Variants in KIF15 observed in about 807,000 individuals in gnomAD.
KIF15 encodes kinesin family member 15.
KIF15 carries 140 observed loss-of-function variants against 190.6 expected under a neutral mutation model. The observed-to-expected ratio is 0.73, with a 90% CI of 0.64 to 0.84. The LOEUF (loss-of-function observed/expected upper bound fraction) is 0.84, where lower values mean the gene tolerates loss of function less well. KIF15 is among the 40% of genes least tolerant of loss of function. KIF15 has a pLI of 0.00. For missense variants in KIF15, 1,372 were observed against 1,584.4 expected, an observed-to-expected ratio of 0.87 and a Z score of 2.28; for synonymous variants, 528 against 551.3, an observed-to-expected ratio of 0.96 and a Z score of 0.59.
chr3:44,816,627 T>C (rs1010527008), intron 20 of KIF15, among the ~76,000 whole-genome samples: 6 of 152,204 alleles, frequency 3.9e-5, no homozygotes. Context: ...ATTTTCTTAA[T>C]CTAGTCTATC....
At chr3:44,827,410 T>C in intron 22 of KIF15, 49 bp from the exon 23 acceptor site, 1 of 1,310,684 alleles carries the variant, frequency 7.6e-7, no homozygotes, top group Non-Finnish European at 1.1e-6. Flanking sequence ...ATTCAGTTCC[T>C]GTTTTCATTG....
At chr3:44,778,994 A>AG (rs1300190403) in intron 4 of KIF15, among the ~76,000 whole-genome samples, 5 of 151,554 alleles carry the variant, frequency 3.3e-5, no homozygotes, top group African/African-American at 1.2e-4. Context: ...AAAAAAAAAA[A>AG]AAAAAAACCA....
downstream of KIF15, among the ~76,000 whole-genome samples, chr3:44,857,554 A>G (rs1699201350): frequency 6.6e-6 from 1 of 152,242 alleles, no homozygotes; most frequent in East Asian, 1.9e-4. Flanking sequence ...GAGCTAGTGC[A>G]GGAGCAGTCT....
chr3:44,766,807 C>CTTTTTTTTTTT (rs766382105), intron 1 of KIF15, among the ~76,000 whole-genome samples: 4 of 118,544 alleles, frequency 3.4e-5, no homozygotes, highest in African/African-American at 6.2e-5. Flanking sequence ...TTCTTTCTTT[C>CTTTTTTTTTTT]TTTTTTTTTT....
chr3:44,861,975 C>A, intron 6 of KIF15: 1 of 1,388,172 alleles, frequency 7.2e-7, no homozygotes, highest in Non-Finnish European at 9.3e-7. Flanking sequence ...CGACCGCGTA[C>A]CCTGACACCC....
intron 6 of KIF15, chr3:44,863,606 C>T (rs1699288124): frequency 6.6e-6 from 1 of 152,648 alleles, no homozygotes; most frequent in African/African-American, 2.4e-5. Flanking sequence ...ACTTAATGCC[C>T]CTGGCTCTTT....
intron 1 of KIF15, among the ~76,000 whole-genome samples, chr3:44,773,308 C>G (rs992705563): frequency 3.9e-5 from 6 of 152,172 alleles, no homozygotes; most frequent in Non-Finnish European, 8.8e-5. Context: ...CTGTTTCTTC[C>G]CTGGGGCTTG....
chr3:44,828,279 A>G lies in KIF15; in HGVS notation c.2922A>G (p.Glu974=). Residue 974 remains glutamate, a synonymous_variant, in exon 24 of 35, where the codon GAA becomes GAG. Transcript: ENST00000326047. ...LATEKVISSL[E]KSRDSDKKVV... ...CTGAAAAAGTGATCAGTTCCCTGGA[A>G]AAGTCTAGAGATTCTGATAAGGTTG... The G allele has an allele frequency of 6.2e-7, 1 of 1,612,502 alleles. No homozygotes were observed. The highest frequency in any genetic ancestry group is 1.3e-5 in the African/African-American group (1 of 75,024).
intron 13 of KIF15, among the ~76,000 whole-genome samples, chr3:44,802,244 T>C (rs1707311533): frequency 6.6e-6 from 1 of 152,256 alleles, no homozygotes; most frequent in Non-Finnish European, 1.5e-5. Flanking sequence ...TGTGGTTATC[T>C]GAGTCAGTAG....
At chr3:44,831,684 T>C (rs1698080471) in intron 26 of KIF15, among the ~76,000 whole-genome samples, 1 of 152,232 alleles carries the variant, frequency 6.6e-6, no homozygotes, top group Non-Finnish European at 1.5e-5. Context: ...TTGTTGTTGA[T>C]GATGTGAACT....
intron 16 of KIF15, among the ~76,000 whole-genome samples, chr3:44,808,357 G>A (rs1308572551): frequency 6.6e-6 from 1 of 152,130 alleles, no homozygotes; most frequent in African/African-American, 2.4e-5. Flanking sequence ...CTTTGTTGTT[G>A]TTTTAGTTGG....
intron 20 of KIF15, among the ~76,000 whole-genome samples, chr3:44,815,305 A>G (rs1233644616): frequency 6.6e-6 from 1 of 152,198 alleles, no homozygotes; most frequent in Non-Finnish European, 1.5e-5. Flanking sequence ...GCTCAGTTCT[A>G]TGTGTTGCTC....
At chr3:44,781,222 A>C (rs1026522266) in intron 5 of KIF15, among the ~76,000 whole-genome samples, 5 of 152,210 alleles carry the variant, frequency 3.3e-5, no homozygotes, top group Non-Finnish European at 5.9e-5. Flanking sequence ...AACCAGATCA[A>C]GATTCCTGGT....
intron 30 of KIF15, among the ~76,000 whole-genome samples, chr3:44,846,441 G>A (rs749713753): frequency 4.6e-5 from 7 of 151,780 alleles, no homozygotes; most frequent in African/African-American, 2.4e-5. Context: ...ATTGCCAAAT[G>A]TCATAGTCTG....
rs746962126 is a variant in KIF15 at position 44,801,858 on chromosome 3, G to T, written c.1393G>T (p.Asp465Tyr). ...SNKMIVKFRE[D>Y]QIIRLEKLHK... ...TAAAATGATTGTGAAATTCCGAGAG[G>T]ATCAAATAATACGCTTGGAAAAGCT... The change falls in exon 13 of 35, where the codon GAT (aspartate) becomes TAT (tyrosine). Residue 465 changes from aspartate to tyrosine, a missense_variant. Coordinates refer to ENST00000326047, the MANE Select transcript of KIF15 (RefSeq NM_020242.3). 1.9e-6 allele frequency: 3 copies of T among 1,612,336 alleles called. No homozygotes were observed. The highest frequency in any genetic ancestry group is 1.7e-5 in the Admixed American group (1 of 59,984).
rs1226525819 is a variant in KIF15 at position 44,791,956 on chromosome 3, T to A, written c.640-2261T>A. Among the ~76,000 whole-genome samples, 3 of 151,742 alleles carry A rather than the reference T, an allele frequency of 2.0e-5. No homozygotes were observed. In the East Asian group the frequency reaches 5.9e-4, roughly 30 times the overall value. ...CTGGTCTTGAACTCCTGACCTCAGG[T>A]AATCCACCTGCCTTGGCCTCCCAAA... On this transcript the variant is annotated intron_variant, in intron 7 of 34. Coordinates refer to ENST00000326047, the MANE Select transcript of KIF15 (RefSeq NM_020242.3).
intron 16 of KIF15, 104 bp downstream of exon 16, chr3:44,806,090 A>G (rs758825186): frequency 1.2e-4 from 155 of 1,277,650 alleles, no homozygotes; most frequent in Non-Finnish European, 1.6e-4. Context: ...ATGACATCCC[A>G]TGCAGGTAAT....
In KIF15 at chr3:44,805,969, C is replaced by G. The variant is rs1707478448; in HGVS notation, c.1954C>G (p.His652Asp). Residue 652 changes from histidine (H) to aspartate (D), a missense_variant, in exon 16 of 35, where the codon CAT becomes GAT. Physicochemically the swap from His to Asp is moderately conservative, Grantham distance 81. Transcript: ENST00000326047. ...RQEVSQLNKI[H>D]AETLKIITTP... ...AGAAGTTTCTCAGCTGAATAAAATTCATGCTGAAACACTTAAGGTAGGTCA... is the reference window on the plus strand; with the variant it reads ...AGAAGTTTCTCAGCTGAATAAAATTGATGCTGAAACACTTAAGGTAGGTCA... 1 of 1,613,766 alleles carries G rather than the reference C, an allele frequency of 6.2e-7. No homozygotes were observed. Among genetic ancestry groups the G allele is most frequent in the Non-Finnish European group, 8.5e-7 (1 of 1,179,954 alleles).
rs1699261315 is a variant in KIF15 at position 44,862,108 on chromosome 3, G to C, written c.*59+9314G>C. ...CGCCGCCTCCGCCAAGCTGGCCTTC[G>C]GCAGCGAGGTCGAGCCCGGGGCGCT... On this transcript the variant is annotated intron_variant and NMD_transcript_variant, in intron 6 of 6. Transcript: ENST00000422209. 2.2e-5 allele frequency: 28 copies of C among 1,272,668 alleles called. No individual in the cohort carries two copies. The highest frequency in any genetic ancestry group is 7.6e-5 in the Admixed American group (2 of 26,356). The allele number at this position is 1,272,668 out of a possible 1,614,324, so 78.8% of individuals were successfully genotyped here. A position where few individuals can be genotyped will look rare whatever the true frequency, so the allele number is the denominator to read the frequency against.
Sources: allele counts gnomAD v4.1 joint callset (sites outside exome capture counted in the v4.1 genomes callset), GRCh38; gene constraint gnomAD v4.1.1; transcripts MANE v1.5; gene names NCBI Gene and HGNC (gene_info 2026-07-23, HGNC 2026-07-21).